SYN3: variants seen among roughly 807,000 people sequenced by gnomAD.
SYN3 encodes synapsin-3.
SYN3 carries 35 observed loss-of-function variants against 65.8 expected under a neutral mutation model. The observed-to-expected ratio is 0.53, with a 90% confidence interval of 0.41 to 0.70. The LOEUF (loss-of-function observed/expected upper bound fraction) is 0.70. Ranked by LOEUF, SYN3 falls within the 30% of genes least tolerant of loss-of-function variation. SYN3 has a pLI of 0.00. For missense variants in SYN3, 680 were observed against 749.0 expected, an observed-to-expected ratio of 0.91 and a Z score of 1.08; for synonymous variants, 270 against 292.9, an observed-to-expected ratio of 0.92 and a Z score of 0.80.
chr22:32,907,175 T>C (rs1356097336), intron 4 of SYN3, among the ~76,000 whole-genome samples: 2 of 152,204 alleles, frequency 1.3e-5, no homozygotes, highest in African/African-American at 4.8e-5. Context: ...GTGTCCCAGA[T>C]TCCTGTAAGC....
At chr22:32,859,497 G>A in intron 6 of SYN3, 1 of 1,288,484 alleles carries the variant, frequency 7.8e-7, no homozygotes, top group Non-Finnish European at 1.1e-6. Context: ...TTAGCACTTG[G>A]AACATTTAAA....
At position 32,795,751 on chromosome 22, in the gene SYN3, A is replaced by C. The variant is rs767481750; in HGVS notation, c.711+69164T>G. Among the ~76,000 whole-genome samples, 22 of 152,314 alleles carry C rather than the reference A, an allele frequency of 1.4e-4. 1 individual carries two copies. In the South Asian group the frequency reaches 1.9e-3, roughly 13 times the overall value. On this transcript the variant is annotated intron_variant, in intron 6 of 13. Transcript: ENST00000358763. ...TGCCAAGAAGACTGAGAAGGTATAG[A>C]TGGAGAGGTAGAAAGCAGAATCCCA...
rs2057698931 is a variant in SYN3, at chr22:32,512,220, A to AT, written c.*1471dup. On this transcript the variant is annotated 3_prime_UTR_variant, in exon 14 of 14. Coordinates refer to ENST00000358763, the MANE Select transcript of SYN3 (RefSeq NM_003490.4). Reference sequence around the variant, plus strand: ...ACCAAACAATCTACATTGCTTGGGCATAACTAGAAGCTGCTCCAGGCCAAA... The same window carrying AT: ...ACCAAACAATCTACATTGCTTGGGCATTAACTAGAAGCTGCTCCAGGCCAAA... Among the ~76,000 whole-genome samples, 1 of 152,268 alleles carries AT rather than the reference A, an allele frequency of 6.6e-6. No homozygotes were observed. Among genetic ancestry groups the AT allele is most frequent in the African/African-American group, 2.4e-5 (1 of 41,476 alleles).
chr22:32,647,272 C>G (rs372631866), intron 6 of SYN3, among the ~76,000 whole-genome samples: 1 of 152,062 alleles, frequency 6.6e-6, no homozygotes, highest in Non-Finnish European at 1.5e-5. Flanking sequence ...GTTCTTTTCT[C>G]GGAGCCTACT....
intron 6 of SYN3, among the ~76,000 whole-genome samples, chr22:32,605,202 G>A (rs904834216): frequency 3.9e-5 from 6 of 152,034 alleles, no homozygotes; most frequent in Non-Finnish European, 5.9e-5. Context: ...CACAACAAGC[G>A]GGAGAAGTCA....
chr22:32,632,600 G>A (rs2059761660), intron 6 of SYN3, among the ~76,000 whole-genome samples: 1 of 152,176 alleles, frequency 6.6e-6, no homozygotes, highest in African/African-American at 2.4e-5. Context: ...AAGGTTTGAT[G>A]ACTGAGAATC....
chr22:32,768,749 T>G (rs1014631196), intron 6 of SYN3, among the ~76,000 whole-genome samples: 1 of 152,190 alleles, frequency 6.6e-6, no homozygotes, highest in Non-Finnish European at 1.5e-5. Context: ...CTGAGCCCAT[T>G]CATTCTCCTA....
At chr22:32,931,885 T>A (rs1267585595) in intron 3 of SYN3, among the ~76,000 whole-genome samples, 1 of 146,098 alleles carries the variant, frequency 6.8e-6, no homozygotes, top group Admixed American at 6.9e-5. Context: ...TAGTATGGCA[T>A]CATGACTCTG....
At chr22:32,885,881 C>T (rs1474581341) in intron 4 of SYN3, among the ~76,000 whole-genome samples, 1 of 152,114 alleles carries the variant, frequency 6.6e-6, no homozygotes, top group Non-Finnish European at 1.5e-5. Flanking sequence ...TTTCTAAACA[C>T]CTTTCCCAGT....
At chr22:33,033,423 C>T (rs1192284278) in intron 1 of SYN3, among the ~76,000 whole-genome samples, 1 of 152,164 alleles carries the variant, frequency 6.6e-6, no homozygotes, top group Non-Finnish European at 1.5e-5. Flanking sequence ...TTGGTCCCAC[C>T]CCAATGTCAC....
intron 7 of SYN3, among the ~76,000 whole-genome samples, chr22:32,552,821 T>C (rs1374828284): frequency 6.6e-6 from 1 of 152,234 alleles, no homozygotes; most frequent in Non-Finnish European, 1.5e-5. Flanking sequence ...TCTTTGATGA[T>C]TGGCTGTTTC....
At chr22:32,650,306 A>ATCG (rs2060050975) in intron 6 of SYN3, among the ~76,000 whole-genome samples, 1 of 128,228 alleles carries the variant, frequency 7.8e-6, no homozygotes, top group Non-Finnish European at 1.5e-5. Flanking sequence ...TCACTCTATC[A>ATCG]CCCAGGCTGG....
At chr22:32,982,131 C>T (rs924883296) in intron 2 of SYN3, among the ~76,000 whole-genome samples, 12 of 152,104 alleles carry the variant, frequency 7.9e-5, no homozygotes, top group South Asian at 2.1e-4. Flanking sequence ...GTTTTAGTGA[C>T]GCCCATTATC....
rs34290935 is a variant in SYN3 at position 32,935,285 on chromosome 22, T to TTCTC, written c.370-3808_370-3805dup. Reference sequence around the variant, plus strand: ...ACCTAGACTCATTCTCTCTCTCTCTTTCTCTCTCTCTCTCTCTCTCTCTCA... The same window carrying TTCTC: ...ACCTAGACTCATTCTCTCTCTCTCTTTCTCTCTCTCTCTCTCTCTCTCTCTCTCA... On this transcript the variant is annotated intron_variant, in intron 3 of 13. Transcript: ENST00000358763. Among the ~76,000 whole-genome samples the TTCTC allele has an allele frequency of 6.7e-3, 975 of 144,782 alleles. 9 individuals carry two copies. Among genetic ancestry groups the TTCTC allele is most frequent in the African/African-American group, 0.024 (935 of 39,084 alleles). The allele number at this position is 144,782 out of a possible 152,430, so 95.0% of individuals were successfully genotyped here. A position where few individuals can be genotyped will look rare whatever the true frequency, so the allele number is the denominator to read the frequency against.
intron 6 of SYN3, among the ~76,000 whole-genome samples, chr22:32,688,542 ATCCCTT>A (rs983684001): frequency 3.3e-5 from 5 of 152,080 alleles, no homozygotes; most frequent in Non-Finnish European, 5.9e-5. Context: ...CCTGCTTTCA[ATCCCTT>A]TCAATTACAG....
intron 7 of SYN3, among the ~76,000 whole-genome samples, chr22:32,569,405 ATCT>A (rs1569047734): frequency 1.3e-3 from 86 of 68,738 alleles, no homozygotes; most frequent in African/African-American, 6.4e-3. Flanking sequence ...TCCAAAATCT[ATCT>A]ATCTATCTAT....
chr22:33,000,160 G>C (rs2053016069), intron 2 of SYN3, among the ~76,000 whole-genome samples: 1 of 152,038 alleles, frequency 6.6e-6, no homozygotes, highest in African/African-American at 2.4e-5. Context: ...CAGCCCAGGA[G>C]TTCAAGACAA....
intron 6 of SYN3, among the ~76,000 whole-genome samples, chr22:32,805,824 A>T (rs2046718834): frequency 6.6e-6 from 1 of 152,092 alleles, no homozygotes; most frequent in South Asian, 2.1e-4. Context: ...TGACCAGGAG[A>T]TGGAATGGAT....
intron 6 of SYN3, among the ~76,000 whole-genome samples, chr22:32,644,288 G>A (rs2059952376): frequency 6.6e-6 from 1 of 151,974 alleles, no homozygotes; most frequent in South Asian, 2.1e-4. Flanking sequence ...GCAGGGAGAC[G>A]AGACATATAA....
Sources: allele counts gnomAD v4.1 joint callset (sites outside exome capture counted in the v4.1 genomes callset), GRCh38; gene constraint gnomAD v4.1.1; transcripts MANE v1.5; gene names NCBI Gene and HGNC (gene_info 2026-07-23, HGNC 2026-07-21).